The following SNX20 variants were observed in gnomAD, a reference collection of about 807,000 sequenced individuals.
SNX20 encodes sorting nexin 20, also known as sorting nexin-20.
SNX20 carries 21 observed loss-of-function variants against 24.5 expected under a neutral mutation model. The ratio of observed to expected loss-of-function variants is 0.86; its 90% CI spans 0.61 to 1.23. SNX20 has a LOEUF of 1.23. SNX20 is among the 50% of genes most tolerant of loss of function. The pLI, the probability that SNX20 is intolerant of heterozygous loss-of-function variation, is 0.00. For missense variants in SNX20, 433 were observed against 430.8 expected (o/e 1.00, Z -0.04); for synonymous variants, 206 against 192.8 (o/e 1.07, Z -0.57).
intron 3 of SNX20, among the ~76,000 whole-genome samples, 155 bp from the exon 4 acceptor site, chr16:50,674,229 GTTTATTTA>G (rs752759802): frequency 5.6e-3 from 739 of 131,116 alleles, no homozygotes; most frequent in African/African-American, 0.021. Flanking sequence ...TTGTTTGTTT[GTTTATTTA>G]TTTATTTATT....
downstream of SNX20, chr16:50,669,049 T>G: frequency 6.4e-7 from 1 of 1,551,890 alleles, no homozygotes; most frequent in Non-Finnish European, 8.7e-7. Context: ...TCTCAGAGCA[T>G]GTCACTTTGA....
At chr16:50,667,938 G>A, downstream of SNX20, 2 of 1,396,828 alleles carry the variant, frequency 1.4e-6, no homozygotes, top group South Asian at 2.5e-5. Flanking sequence ...TGGGTAGGGG[G>A]GGACCCACTC....
intron 1 of SNX20, among the ~76,000 whole-genome samples, chr16:50,678,987 T>C (rs1303343275): frequency 1.3e-5 from 2 of 152,142 alleles, no homozygotes; most frequent in Non-Finnish European, 2.9e-5. Flanking sequence ...TTAAGGTGGA[T>C]TGGAATAGAA....
chr16:50,677,007 G>A (rs1963195846), intron 2 of SNX20, among the ~76,000 whole-genome samples: 1 of 152,216 alleles, frequency 6.6e-6, no homozygotes, highest in East Asian at 1.9e-4. Context: ...AGGCCCAGGA[G>A]CGTCCCTTCT....
At chr16:50,667,105 C>G (rs547683593), downstream of SNX20, 1 of 152,350 alleles carries the variant, frequency 6.6e-6, no homozygotes, top group South Asian at 2.1e-4. Context: ...GGCCCACACA[C>G]AGGCTCCCAG....
chr16:50,675,656 G>A, intron 3 of SNX20, 114 bp downstream of exon 3: 1 of 1,328,366 alleles, frequency 7.5e-7, no homozygotes, highest in East Asian at 2.4e-5. Context: ...AAAGCTGTGA[G>A]TTAGTGTGTT....
chr16:50,677,742 A>C (rs1210812040), intron 1 of SNX20, among the ~76,000 whole-genome samples: 1 of 152,222 alleles, frequency 6.6e-6, no homozygotes, highest in African/African-American at 2.4e-5. Flanking sequence ...CAAGGCAGAG[A>C]AGACCCTTCA....
At position 50,673,339 on chromosome 16, in the gene SNX20, C is replaced by T. The variant is rs1309768612; in HGVS notation, c.*67G>A. 6.4e-6 allele frequency: 9 copies of T among 1,400,794 alleles called. No individual in the cohort carries two copies. The highest frequency in any genetic ancestry group is 7.5e-6 in the Non-Finnish European group (8 of 1,071,838). The allele number at this position is 1,400,794 out of a possible 1,614,324, so 86.8% of individuals were successfully genotyped here. On this transcript the variant is annotated 3_prime_UTR_variant, in exon 4 of 4. Coordinates refer to ENST00000330943, the MANE Select transcript of SNX20 (RefSeq NM_182854.4). The surrounding 1 kb of genome is among the most constrained non-coding windows in gnomAD (Gnocchi z 4.1). ...AAAGGAAAAATAAAAAAAAAGAACC[C>T]CAAACAGCCCACTGTGAGCCATGGT...
At chr16:50,676,693 T>C (rs1020377968) in intron 2 of SNX20, among the ~76,000 whole-genome samples, 39 of 152,312 alleles carry the variant, frequency 2.6e-4, no homozygotes, top group Middle Eastern at 3.4e-3. Context: ...GGTTTTTCAT[T>C]TTATTTATTT....
Position 50,680,455 on chromosome 16 carries a change from TCTC to T in SNX20, c.-10+732_-10+734del, listed in dbSNP as rs373049921. Among the ~76,000 whole-genome samples the T allele has an allele frequency of 6.6e-3, 1,002 of 152,220 alleles. 12 individuals carry two copies. Among genetic ancestry groups the T allele is most frequent in the African/African-American group, 0.023 (963 of 41,506 alleles). ...CAGCCGTGTGTGCACAGACAGTCAT[TCTC>T]CTCCTCCTGTCCCCAGGTGTCCTAA... On this transcript the variant is annotated intron_variant, in intron 1 of 3. Transcript: ENST00000330943.
downstream of SNX20, chr16:50,667,733 A>AGCTATG: frequency 2.2e-6 from 1 of 464,534 alleles, no homozygotes; most frequent in Non-Finnish European, 3.8e-6. Flanking sequence ...ACAGAGTTCT[A>AGCTATG]GCTATGGGGA....
chr16:50,675,251 G>A (rs1204466592), intron 3 of SNX20, among the ~76,000 whole-genome samples: 5 of 152,154 alleles, frequency 3.3e-5, no homozygotes, highest in Non-Finnish European at 5.9e-5. Context: ...GGGCTTTCCC[G>A]AAGCCACAGT....
rs755852774 is a variant in SNX20 at position 50,675,800 on chromosome 16, G to A, written c.252C>T (p.Arg84=). ...VKLLFEIASA[R]IEERKVSKFV... ...ACTTAGAGACTTTTCTCTCCTCGATGCGAGCTGAAGCGATCTCAAAGAGCA... is the reference window on the plus strand; with the variant it reads ...ACTTAGAGACTTTTCTCTCCTCGATACGAGCTGAAGCGATCTCAAAGAGCA... The change falls in exon 3 of 4, where the codon CGC becomes CGT. Residue 84 remains arginine (R), a synonymous_variant. Transcript: ENST00000330943. 2 of 1,613,378 alleles carry A rather than the reference G, an allele frequency of 1.2e-6. No homozygotes were observed. Among genetic ancestry groups the A allele is most frequent in the Non-Finnish European group, 8.5e-7 (1 of 1,179,756 alleles).
At chr16:50,677,638 A>G in intron 1 of SNX20, 103 bp from the exon 2 acceptor site, 2 of 1,253,472 alleles carry the variant, frequency 1.6e-6, no homozygotes, top group Non-Finnish European at 1.0e-6. Context: ...TGGCAGGCAG[A>G]GGGAATGACA....
chr16:50,668,830 A>G, downstream of SNX20: 1 of 1,298,312 alleles, frequency 7.7e-7, no homozygotes. Context: ...AGCTATGGGG[A>G]CAGCCACTAG....
chr16:50,670,705 C>T (rs1386441625), downstream of SNX20: 1 of 152,286 alleles, frequency 6.6e-6, no homozygotes. Context: ...CGAGTGGGCT[C>T]TAACTGCTGC....
chr16:50,669,071 C>CG (rs1962980340), downstream of SNX20: 2 of 1,551,746 alleles, frequency 1.3e-6, no homozygotes, highest in Non-Finnish European at 1.7e-6. Flanking sequence ...GTGGACATCT[C>CG]GGGTCTGGTT....
Position 50,671,654 on chromosome 16 carries a change from G to T in SNX20, c.*1752C>A, listed in dbSNP as rs1963052905. 6.6e-6 allele frequency: 1 copy of T among 152,172 alleles called. No homozygotes were observed. The highest frequency in any genetic ancestry group is 2.1e-4 in the South Asian group (1 of 4,830). 9.4% of individuals were successfully genotyped at this position (152,172 alleles called of 1,614,324 possible). A position where few individuals can be genotyped will look rare whatever the true frequency, so the allele number is the denominator to read the frequency against. ...TTTCATCATTACAAATAGACTCATA[G>T]CTCTTTAATTTTTCCATTTAACACT... On this transcript the variant is annotated 3_prime_UTR_variant, in exon 4 of 4. Transcript: ENST00000330943.
downstream of SNX20, chr16:50,667,774 CTA>C (rs1451991872): frequency 5.1e-6 from 3 of 583,014 alleles, no homozygotes; most frequent in African/African-American, 5.6e-5. Flanking sequence ...TAAGTCCATG[CTA>C]TGCTGAGGGG....
Sources: gnomAD v4.1 joint callset for allele counts (sites outside exome capture counted in the v4.1 genomes callset) on GRCh38, gnomAD v4.1.1 for gene constraint, Gnocchi (gnomAD v3.1) non-coding constraint, MANE v1.5 for transcripts, NCBI Gene and HGNC (gene_info 2026-07-23, HGNC 2026-07-21) for gene names.